Variants in OSBPL10 observed in about 807,000 individuals in gnomAD.
The protein encoded by OSBPL10 is oxysterol-binding protein-related protein 10.
OSBPL10 carries 49 observed loss-of-function variants against 81.7 expected under a neutral mutation model. The ratio of observed to expected loss-of-function variants is 0.60; its 90% CI spans 0.48 to 0.76. The LOEUF is 0.76. Among genes scored for constraint, OSBPL10 ranks in the 30% least tolerant of loss-of-function variants. The probability of loss-of-function intolerance (pLI) is 0.00; values close to 1 mark genes in which losing one functional copy is unlikely to be tolerated. For missense variants in OSBPL10, 923 were observed against 987.8 expected (o/e 0.93, Z 0.88); for synonymous variants, 419 against 383.6 (o/e 1.09, Z -1.08).
At chr3:31,786,393 G>C (rs1284518235) in intron 4 of OSBPL10, among the ~76,000 whole-genome samples, 1 of 152,138 alleles carries the variant, frequency 6.6e-6, no homozygotes, top group Non-Finnish European at 1.5e-5. Flanking sequence ...GTCCACTTGG[G>C]CTGCTATAAA....
chr3:31,984,863 C>T (rs1235733020), upstream of OSBPL10, among the ~76,000 whole-genome samples: 1 of 152,192 alleles, frequency 6.6e-6, no homozygotes, highest in Non-Finnish European at 1.5e-5. Context: ...GGACAGCTTA[C>T]AGGTTAGAAG....
intron 6 of OSBPL10, chr3:31,733,005 A>T (rs1463562810): frequency 1.9e-6 from 1 of 530,140 alleles, no homozygotes; most frequent in African/African-American, 2.0e-5. Context: ...AGTTAAAGTG[A>T]CTCCCATTTC....
Position 31,816,778 on chromosome 3 carries a change from C to T in OSBPL10, c.729+13262G>A, listed in dbSNP as rs148788233. Reference sequence around the variant, plus strand: ...ACAACAGCTCAGAGGAGACCCGTAGCGGGTGACTCCTTTCTGTAGGCAGGC... The same window carrying T: ...ACAACAGCTCAGAGGAGACCCGTAGTGGGTGACTCCTTTCTGTAGGCAGGC... On this transcript the variant is annotated intron_variant, in intron 4 of 11. Coordinates refer to ENST00000396556, the MANE Select transcript of OSBPL10 (RefSeq NM_017784.5). 1.3e-4 allele frequency among the ~76,000 whole-genome samples: 20 copies of T among 152,230 alleles called. No homozygotes were observed. In the South Asian group the frequency reaches 2.1e-3, roughly 16 times the overall value.
intron 6 of OSBPL10, among the ~76,000 whole-genome samples, chr3:31,715,901 T>C (rs1166784824): frequency 6.6e-6 from 1 of 152,224 alleles, no homozygotes; most frequent in Non-Finnish European, 1.5e-5. Flanking sequence ...ACATCAGTGA[T>C]TCTTTCGGAA....
intron 1 of OSBPL10, among the ~76,000 whole-genome samples, chr3:31,885,463 C>A (rs535490713): frequency 6.6e-6 from 1 of 152,292 alleles, no homozygotes; most frequent in African/African-American, 2.4e-5. Context: ...CTGCCCTTAC[C>A]CACTCACTGT....
intron 4 of OSBPL10, among the ~76,000 whole-genome samples, chr3:31,810,489 C>CA (rs957212727): frequency 3.3e-5 from 5 of 151,600 alleles, no homozygotes; most frequent in African/African-American, 4.8e-5. Context: ...TATGAAAAAA[C>CA]AAAAAAATTT....
At chr3:31,970,965 T>C (rs1156962114) in intron 1 of OSBPL10, among the ~76,000 whole-genome samples, 1 of 152,168 alleles carries the variant, frequency 6.6e-6, no homozygotes, top group African/African-American at 2.4e-5. Flanking sequence ...GTCTGCATGA[T>C]GAACTCTTCT....
intron 6 of OSBPL10, among the ~76,000 whole-genome samples, chr3:31,709,589 AAG>A (rs1696188685): frequency 6.6e-6 from 1 of 152,246 alleles, no homozygotes; most frequent in African/African-American, 2.4e-5. Flanking sequence ...AAGGGAAAAA[AAG>A]AAATCAAGAA....
intron 1 of OSBPL10, among the ~76,000 whole-genome samples, chr3:31,896,044 A>G (rs1241866803): frequency 6.6e-6 from 1 of 152,188 alleles, no homozygotes; most frequent in Non-Finnish European, 1.5e-5. Context: ...TATATTCTAC[A>G]TGTCTTAATT....
intron 1 of OSBPL10, among the ~76,000 whole-genome samples, chr3:31,902,067 A>C (rs1432330505): frequency 6.6e-6 from 1 of 152,162 alleles, no homozygotes; most frequent in African/African-American, 2.4e-5. Context: ...GCATTTAATA[A>C]GTATTTATAA....
At chr3:31,932,303 T>C (rs1697271552) in intron 1 of OSBPL10, among the ~76,000 whole-genome samples, 1 of 152,216 alleles carries the variant, frequency 6.6e-6, no homozygotes, top group African/African-American at 2.4e-5. Flanking sequence ...CCAGTTTCTT[T>C]GCTTAGCTTA....
intron 3 of OSBPL10, among the ~76,000 whole-genome samples, chr3:31,873,973 CA>C (rs914670743): frequency 2.6e-5 from 4 of 152,152 alleles, no homozygotes; most frequent in Non-Finnish European, 5.9e-5. Flanking sequence ...CTCCATTTCT[CA>C]AATAAGAAAT....
At chr3:31,944,103 A>G (rs1697622417) in intron 1 of OSBPL10, among the ~76,000 whole-genome samples, 1 of 151,906 alleles carries the variant, frequency 6.6e-6, no homozygotes. Flanking sequence ...TTCTGTGGTC[A>G]TAAATAACAC....
intron 5 of OSBPL10, among the ~76,000 whole-genome samples, chr3:31,747,020 A>C (rs1355775568): frequency 6.6e-6 from 1 of 152,106 alleles, no homozygotes; most frequent in Non-Finnish European, 1.5e-5. Context: ...TTTGCCTTAA[A>C]ATGTTCAAGC....
At chr3:31,715,497 G>A (rs570122108) in intron 6 of OSBPL10, among the ~76,000 whole-genome samples, 4 of 152,238 alleles carry the variant, frequency 2.6e-5, no homozygotes, top group South Asian at 4.2e-4. Context: ...TCACTCGAAC[G>A]TTACTGCCAT....
chr3:31,996,378 G>A lies in OSBPL10; in HGVS notation n.298+50113C>T, dbSNP rs1213553374. On this transcript the variant is annotated intron_variant and non_coding_transcript_variant, in intron 2 of 3. Coordinates refer to the OSBPL10 transcript ENST00000479173. ...TCTCCCCCCCGTGCAAGGGAACAAT[G>A]ATATGATTGTGGGTTGTTTCACTTT... Among the ~76,000 whole-genome samples the A allele has an allele frequency of 4.6e-5, 7 of 152,212 alleles. No individual in the cohort carries two copies. In the East Asian group the frequency reaches 1.3e-3, roughly 29 times the overall value.
In OSBPL10 at chr3:31,876,610, G is replaced by A. The variant is rs111472757; in HGVS notation, c.458-98C>T. ...CCACCTAAGGGGGTGGGGAGCCTGG[G>A]GAGTGAGAGGTAGCAAGAAGGTGGG... On this transcript the variant is annotated intron_variant, in intron 2 of 11. Coordinates refer to ENST00000396556, the MANE Select transcript of OSBPL10 (RefSeq NM_017784.5). 1.3e-3 allele frequency: 1,263 copies of A among 955,962 alleles called. 8 individuals carry two copies. The African/African-American group carries it at 0.017, about 13-fold the overall frequency. 59.2% of individuals were successfully genotyped at this position (955,962 alleles called of 1,614,324 possible).
At chr3:31,688,281 T>TCACACACACACACA (rs1380099717) in intron 7 of OSBPL10, among the ~76,000 whole-genome samples, 10 of 113,986 alleles carry the variant, frequency 8.8e-5, no homozygotes, top group South Asian at 3.2e-4. Context: ...TCTCTCTCTC[T>TCACACACACACACA]CTCACACACA....
intron 1 of OSBPL10, among the ~76,000 whole-genome samples, chr3:31,929,738 ACT>A (rs369419599): frequency 0.05 from 7,045 of 140,024 alleles, 291 homozygotes; most frequent in African/African-American, 0.12. Flanking sequence ...ACAGGGCAAG[ACT>A]CTGTCTCAAA....
Sources: gnomAD v4.1 joint callset for allele counts (sites outside exome capture counted in the v4.1 genomes callset) on GRCh38, gnomAD v4.1.1 for gene constraint, MANE v1.5 for transcripts, NCBI Gene and HGNC (gene_info 2026-07-23, HGNC 2026-07-21) for gene names.